The following SMAD6 variants were observed in gnomAD, a reference collection of about 807,000 sequenced individuals.
SMAD6 encodes MAD homolog 6.
In SMAD6, 103 loss-of-function variants were observed where a neutral mutation model predicts 39.4. The observed-to-expected ratio is 2.62, with a 90% CI of 2.23 to 3.08. SMAD6 has a LOEUF of 3.08. SMAD6 is among the 30% of genes most tolerant of loss of function. SMAD6 has a pLI of 0.00. For synonymous variants in SMAD6, 445 were observed against 353.3 expected, an observed-to-expected ratio of 1.26 and a Z score of -2.91; for missense variants, 1,104 against 742.9, an observed-to-expected ratio of 1.49 and a Z score of -5.65.
intron 3 of SMAD6, among the ~76,000 whole-genome samples, chr15:66,737,473 C>T (rs1036753182): frequency 1.3e-5 from 2 of 152,274 alleles, no homozygotes; most frequent in East Asian, 1.9e-4. Flanking sequence ...ACTTCTCCAC[C>T]TCCGACGGTA....
At chr15:66,756,290 A>G (rs1156529255) in intron 3 of SMAD6, among the ~76,000 whole-genome samples, 1 of 152,036 alleles carries the variant, frequency 6.6e-6, no homozygotes, top group Non-Finnish European at 1.5e-5. Context: ...TCGTTTGGAA[A>G]CGGAGCCCTT....
chr15:66,751,614 G>A (rs1316002609), intron 3 of SMAD6, among the ~76,000 whole-genome samples: 1 of 152,248 alleles, frequency 6.6e-6, no homozygotes, highest in Non-Finnish European at 1.5e-5. Context: ...CTGTGTCAAG[G>A]TCAATGCAAA....
intron 1 of SMAD6, chr15:66,707,171 T>C (rs1051713321): frequency 4.5e-4 from 68 of 152,090 alleles, no homozygotes; most frequent in African/African-American, 1.6e-3. Context: ...TGGACGGAAA[T>C]GTGGAGAAAT....
intron 2 of SMAD6, among the ~76,000 whole-genome samples, chr15:66,715,491 C>G (rs938788000): frequency 7.2e-5 from 11 of 152,134 alleles, no homozygotes; most frequent in African/African-American, 2.4e-4. Context: ...CCGAGCCAGT[C>G]CTGGATTGTG....
intron 3 of SMAD6, among the ~76,000 whole-genome samples, chr15:66,755,641 C>A (rs1254660701): frequency 6.6e-6 from 1 of 152,180 alleles, no homozygotes; most frequent in East Asian, 1.9e-4. Context: ...ATGAAATCGC[C>A]ACTGCAGCTA....
At chr15:66,709,461 TC>T (rs1334731176) in intron 1 of SMAD6, among the ~76,000 whole-genome samples, 1 of 152,062 alleles carries the variant, frequency 6.6e-6, no homozygotes, top group Non-Finnish European at 1.5e-5. Context: ...ACCTTTTGAG[TC>T]CCAGGTAAGC....
At chr15:66,704,334 C>T (rs554884685) in intron 1 of SMAD6, 9 of 346,260 alleles carry the variant, frequency 2.6e-5, no homozygotes, top group African/African-American at 1.5e-4. Context: ...TGTGCAGTTT[C>T]AGGGACATGA....
chr15:66,757,951 G>T (rs1315683824), intron 3 of SMAD6, among the ~76,000 whole-genome samples: 1 of 152,198 alleles, frequency 6.6e-6, no homozygotes, highest in Non-Finnish European at 1.5e-5. Context: ...CTTTCCCGTG[G>T]CCACCAGCAG....
chr15:66,766,433 G>A (rs1254017709), intron 3 of SMAD6, among the ~76,000 whole-genome samples: 1 of 152,166 alleles, frequency 6.6e-6, no homozygotes, highest in South Asian at 2.1e-4. Flanking sequence ...TTAGGCTGGG[G>A]GTTTAACCTC....
chr15:66,765,864 G>A (rs934753973), intron 3 of SMAD6, among the ~76,000 whole-genome samples: 13 of 152,264 alleles, frequency 8.5e-5, no homozygotes, highest in African/African-American at 3.1e-4. Context: ...GATGTTGTGC[G>A]ACACTTGATG....
intron 3 of SMAD6, among the ~76,000 whole-genome samples, chr15:66,772,481 A>G (rs1472263973): frequency 1.3e-5 from 2 of 152,206 alleles, no homozygotes; most frequent in African/African-American, 4.8e-5. Context: ...TGCAGGTGTT[A>G]CTACTGAATA....
intron 3 of SMAD6, among the ~76,000 whole-genome samples, chr15:66,736,340 T>C (rs902821514): frequency 2.0e-5 from 3 of 152,254 alleles, no homozygotes; most frequent in Non-Finnish European, 4.4e-5. Context: ...AGTGATTTGC[T>C]GTTTATCAGA....
At chr15:66,760,486 G>A (rs925701707) in intron 3 of SMAD6, among the ~76,000 whole-genome samples, 5 of 152,216 alleles carry the variant, frequency 3.3e-5, no homozygotes, top group African/African-American at 7.2e-5. Context: ...GGCACATGGC[G>A]GGCTCGAAGG....
At position 66,781,394 on chromosome 15, in the gene SMAD6, C is replaced by T. The variant is rs765013200; in HGVS notation, c.1350C>T (p.Pro450=). ...AGCGCTCGGGCCTGCAGCACGCGCC[C>T]GAGCCCGACGCCGCCGACGGCCCCT... ...DFERSGLQHA[P]EPDAADGPYD... The change falls in exon 4 of 4, where the codon CCC becomes CCT. Residue 450 remains proline (P), a synonymous_variant. Coordinates refer to ENST00000288840, the MANE Select transcript of SMAD6 (RefSeq NM_005585.5). 16 of 1,601,958 alleles carry T rather than the reference C, an allele frequency of 1.0e-5. No homozygotes were observed. Among genetic ancestry groups the T allele is most frequent in the Middle Eastern group, 1.6e-4 (1 of 6,072 alleles).
chr15:66,755,516 C>T (rs907827360), intron 3 of SMAD6, among the ~76,000 whole-genome samples: 57 of 152,180 alleles, frequency 3.7e-4, no homozygotes, highest in Non-Finnish European at 8.8e-5. Context: ...CCTTGAATGA[C>T]ACCACAGGGA....
chr15:66,761,997 T>G (rs773330227), intron 3 of SMAD6, among the ~76,000 whole-genome samples: 11 of 152,184 alleles, frequency 7.2e-5, no homozygotes, highest in Non-Finnish European at 1.5e-4. Context: ...ACTCCCAGGC[T>G]GCGGCGTCTT....
chr15:66,773,389 C>T (rs1469734282), intron 3 of SMAD6, among the ~76,000 whole-genome samples: 1 of 152,104 alleles, frequency 6.6e-6, no homozygotes, highest in Non-Finnish European at 1.5e-5. Flanking sequence ...CTGGTCTTCC[C>T]CTCCCTTCAC....
At chr15:66,739,089 C>CTTTTT (rs56853022) in intron 3 of SMAD6, among the ~76,000 whole-genome samples, 1 of 135,740 alleles carries the variant, frequency 7.4e-6, no homozygotes, top group African/African-American at 2.7e-5. Context: ...TTTTCTTCTT[C>CTTTTT]TTTTTTTTTT....
At chr15:66,736,079 G>A (rs544478450) in intron 3 of SMAD6, among the ~76,000 whole-genome samples, 4 of 152,200 alleles carry the variant, frequency 2.6e-5, no homozygotes, top group South Asian at 2.1e-4. Context: ...AGCCACCCAC[G>A]GAGTGCTGGC....
Sources: gnomAD v4.1 joint callset for allele counts (sites outside exome capture counted in the v4.1 genomes callset) on GRCh38, gnomAD v4.1.1 for gene constraint, MANE v1.5 for transcripts, NCBI Gene and HGNC (gene_info 2026-07-23, HGNC 2026-07-21) for gene names.